Variants in ZBTB20 observed in about 807,000 individuals in gnomAD.
ZBTB20 encodes the protein zinc finger and BTB domain-containing protein 20.
A neutral mutation model predicts 56.9 loss-of-function variants in ZBTB20; 9 were observed. The observed-to-expected ratio is 0.16, with a 90% CI of 0.10 to 0.28. The LOEUF is 0.28. Ranked by LOEUF, ZBTB20 falls within the 10% of genes least tolerant of loss-of-function variation. The probability of loss-of-function intolerance (pLI) is 1.00; values close to 1 mark genes in which losing one functional copy is unlikely to be tolerated. For synonymous variants in ZBTB20, 417 were observed against 420.7 expected (o/e 0.99, Z 0.11); for missense variants, 655 against 1,003.0 (o/e 0.65, Z 4.69).
At position 114,692,182 on chromosome 3, in the gene ZBTB20, A is replaced by G. The variant is rs1273213575; in HGVS notation, c.-295+1346T>C. 2.6e-5 allele frequency among the ~76,000 whole-genome samples: 4 copies of G among 152,190 alleles called. No individual in the cohort carries two copies. In the East Asian group the frequency reaches 7.7e-4, roughly 29 times the overall value. On this transcript the variant is annotated intron_variant, in intron 6 of 11. Transcript: ENST00000675478. ...GAGATCATTTTGTGATAAATGCAAA[A>G]GGAGTGACAAATTAAAGTCACCAAA...
intron 3 of ZBTB20, among the ~76,000 whole-genome samples, chr3:114,941,895 T>G (rs551696150): frequency 6.8e-6 from 1 of 146,166 alleles, no homozygotes; most frequent in Non-Finnish European, 1.5e-5. Flanking sequence ...ACATTACACA[T>G]GGTTTATCAC....
intron 6 of ZBTB20, among the ~76,000 whole-genome samples, chr3:114,597,371 GT>G (rs2056405339): frequency 6.6e-6 from 1 of 152,116 alleles, no homozygotes; most frequent in Non-Finnish European, 1.5e-5. Flanking sequence ...GAACGACCAA[GT>G]ATTCCTTAGA....
intron 5 of ZBTB20, among the ~76,000 whole-genome samples, chr3:114,767,669 C>A (rs1275614315): frequency 6.6e-6 from 1 of 151,720 alleles, no homozygotes; most frequent in African/African-American, 2.4e-5. Flanking sequence ...AAAGGTAAAG[C>A]CATTATAGAG....
At chr3:114,441,998 A>T (rs1265765364) in intron 7 of ZBTB20, among the ~76,000 whole-genome samples, 1 of 152,162 alleles carries the variant, frequency 6.6e-6, no homozygotes, top group African/African-American at 2.4e-5. Context: ...AGTAAAGTGA[A>T]AAGCTCCAAA....
chr3:114,355,049 G>A (rs1174577592), intron 10 of ZBTB20, among the ~76,000 whole-genome samples: 1 of 152,104 alleles, frequency 6.6e-6, no homozygotes, highest in East Asian at 1.9e-4. Context: ...ACTGAGGAAT[G>A]GAACTTGAAG....
intron 5 of ZBTB20, among the ~76,000 whole-genome samples, chr3:114,748,775 T>A (rs1409653832): frequency 6.6e-6 from 1 of 152,104 alleles, no homozygotes; most frequent in Non-Finnish European, 1.5e-5. Flanking sequence ...AATGTGCTAT[T>A]TTTGGGGTAT....
At chr3:114,665,555 TAAGTA>T (rs750563506) in intron 6 of ZBTB20, among the ~76,000 whole-genome samples, 21 of 151,948 alleles carry the variant, frequency 1.4e-4, no homozygotes, top group Admixed American at 2.0e-4. Context: ...TGGCACTCAT[TAAGTA>T]AAGTAATGAA....
Position 114,452,899 on chromosome 3 carries a change from C to T in ZBTB20, c.-255+47453G>A, listed in dbSNP as rs1044658298. Among the ~76,000 whole-genome samples, 13 of 152,052 alleles carry T rather than the reference C, an allele frequency of 8.5e-5. No individual in the cohort carries two copies. In the South Asian group the frequency reaches 2.1e-3, roughly 24 times the overall value. On this transcript the variant is annotated intron_variant, in intron 7 of 11. Coordinates refer to ENST00000675478, the MANE Select transcript of ZBTB20 (RefSeq NM_001348800.3). ...GAGAATTGTTCCCCTTGTTTAGTTT[C>T]GTGTCTATAATGTACCTTAAAAAGA...
chr3:114,969,048 C>T (rs889288173), intron 3 of ZBTB20, among the ~76,000 whole-genome samples: 1 of 152,116 alleles, frequency 6.6e-6, no homozygotes, highest in Non-Finnish European at 1.5e-5. Flanking sequence ...AGAAGGTTAG[C>T]AAAATAGTCA....
At chr3:115,048,014 A>G (rs2081396316) in intron 2 of ZBTB20, among the ~76,000 whole-genome samples, 1 of 151,948 alleles carries the variant, frequency 6.6e-6, no homozygotes, top group African/African-American at 2.4e-5. Context: ...AGGTCAGGAG[A>G]TCGAGACCAT....
intron 2 of ZBTB20, among the ~76,000 whole-genome samples, chr3:114,990,788 T>G (rs1298799763): frequency 6.6e-6 from 1 of 152,172 alleles, no homozygotes; most frequent in Non-Finnish European, 1.5e-5. Flanking sequence ...TCAGAGCGTG[T>G]TATTGGTCTA....
At chr3:114,402,013 T>C (rs918081053) in intron 7 of ZBTB20, among the ~76,000 whole-genome samples, 3 of 152,194 alleles carry the variant, frequency 2.0e-5, no homozygotes, top group East Asian at 1.9e-4. Flanking sequence ...GTACATATCA[T>C]GTAAATTGGA....
chr3:114,816,220 C>T (rs2072905372), intron 4 of ZBTB20, among the ~76,000 whole-genome samples: 1 of 152,118 alleles, frequency 6.6e-6, no homozygotes, highest in Admixed American at 6.5e-5. Flanking sequence ...CACAATACAT[C>T]AATATGTTTC....
chr3:114,806,904 C>T (rs1271843549), intron 4 of ZBTB20, among the ~76,000 whole-genome samples: 2 of 151,922 alleles, frequency 1.3e-5, no homozygotes, highest in Non-Finnish European at 1.5e-5. Flanking sequence ...TGCCTTGGCA[C>T]CTTTGTCAAA....
At chr3:114,785,805 C>T (rs2070439291) in intron 5 of ZBTB20, among the ~76,000 whole-genome samples, 1 of 152,052 alleles carries the variant, frequency 6.6e-6, no homozygotes, top group South Asian at 2.1e-4. Flanking sequence ...TCAGATCTTA[C>T]TCTCTGCGTA....
At chr3:114,691,497 T>C (rs996880770) in intron 6 of ZBTB20, among the ~76,000 whole-genome samples, 3 of 152,104 alleles carry the variant, frequency 2.0e-5, no homozygotes, top group African/African-American at 7.2e-5. Context: ...ATTCATTTAT[T>C]ATTTGTTGAC....
At chr3:114,990,683 C>A (rs1179363773) in intron 2 of ZBTB20, among the ~76,000 whole-genome samples, 1 of 152,120 alleles carries the variant, frequency 6.6e-6, no homozygotes, top group Non-Finnish European at 1.5e-5. Flanking sequence ...AGGAATGGTA[C>A]CAGCTCCTCC....
intron 7 of ZBTB20, among the ~76,000 whole-genome samples, chr3:114,442,378 G>C (rs1166643351): frequency 6.6e-6 from 1 of 152,156 alleles, no homozygotes; most frequent in Non-Finnish European, 1.5e-5. Context: ...AGATGCTACT[G>C]TCTCTCTAGA....
chr3:114,632,312 T>G (rs2059001778), intron 6 of ZBTB20, among the ~76,000 whole-genome samples: 1 of 152,136 alleles, frequency 6.6e-6, no homozygotes. Context: ...GAGGATAAAT[T>G]TAATGACCCT....
Sources: gnomAD v4.1 joint callset for allele counts (sites outside exome capture counted in the v4.1 genomes callset) on GRCh38, gnomAD v4.1.1 for gene constraint, MANE v1.5 for transcripts, NCBI Gene and HGNC (gene_info 2026-07-23, HGNC 2026-07-21) for gene names.